Variants in CENPP observed in about 807,000 individuals in gnomAD.
CENPP encodes centromere protein P.
A neutral mutation model predicts 35.6 loss-of-function variants in CENPP; 24 were observed. That is an observed-to-expected ratio of 0.67 (90% confidence interval 0.49 to 0.95). CENPP has a LOEUF of 0.95. CENPP is among the 40% of genes least tolerant of loss of function. The pLI, the probability that CENPP is intolerant of heterozygous loss-of-function variation, is 0.00. For missense variants in CENPP, 332 were observed against 345.3 expected (o/e 0.96, Z 0.31); for synonymous variants, 120 against 125.5 (o/e 0.96, Z 0.29).
intron 5 of CENPP, among the ~76,000 whole-genome samples, chr9:92,452,709 G>A (rs1844749270): frequency 6.6e-6 from 1 of 152,124 alleles, no homozygotes; most frequent in Admixed American, 6.5e-5. Context: ...GTAGAATTCG[G>A]CTGTGAATCC....
chr9:92,358,780 G>A lies in CENPP; in HGVS notation c.467+12993G>A, dbSNP rs535604585. On this transcript the variant is annotated intron_variant, in intron 4 of 7. Coordinates refer to ENST00000375587, the MANE Select transcript of CENPP (RefSeq NM_001012267.3). ...GTATTGATATTTCTATTGTGTTCCT[G>A]TATCATTTTCTTAACTTTCTCCAGA... Among the ~76,000 whole-genome samples the A allele has an allele frequency of 2.6e-5, 4 of 151,798 alleles. No individual in the cohort carries two copies. In the East Asian group the frequency reaches 7.8e-4, roughly 29 times the overall value.
At chr9:92,389,927 G>A (rs779711600) in intron 5 of CENPP, 2 of 1,613,130 alleles carry the variant, frequency 1.2e-6, no homozygotes, top group Non-Finnish European at 1.7e-6. Context: ...GAGCTTGGGA[G>A]GAAGAACTGG....
chr9:92,431,683 T>C (rs1844112932), intron 5 of CENPP, among the ~76,000 whole-genome samples: 1 of 152,080 alleles, frequency 6.6e-6, no homozygotes, highest in South Asian at 2.1e-4. Context: ...CAAGCAATTC[T>C]TCTGCCTCAG....
intron 5 of CENPP, among the ~76,000 whole-genome samples, chr9:92,580,736 A>G (rs2131366072): frequency 6.6e-6 from 1 of 152,082 alleles, no homozygotes; most frequent in Non-Finnish European, 1.5e-5. Context: ...AATTTTGTTG[A>G]TCTTTTCAAA....
At chr9:92,428,775 G>C (rs1480394637) in intron 5 of CENPP, among the ~76,000 whole-genome samples, 2 of 152,048 alleles carry the variant, frequency 1.3e-5, no homozygotes, top group East Asian at 1.9e-4. Context: ...TCCAAACATT[G>C]ATCTTCAAGA....
chr9:92,515,279 AG>A lies in CENPP; in HGVS notation c.565-96033del, dbSNP rs1437065250. 11 of 1,385,276 alleles carry A rather than the reference AG, an allele frequency of 7.9e-6. No individual in the cohort carries two copies. The African/African-American group carries it at 1.6e-4, about 20-fold the overall frequency. 85.8% of individuals were successfully genotyped at this position (1,385,276 alleles called of 1,614,324 possible). A position where few individuals can be genotyped will look rare whatever the true frequency, so the allele number is the denominator to read the frequency against. On this transcript the variant is annotated intron_variant, in intron 5 of 7. Transcript: ENST00000375587. ...AAAAGAAAAAACCATAATGAAAATG[AG>A]GTTAGTAAATATTATTCCCTCCAAG...
At chr9:92,349,206 G>A (rs1841380784) in intron 4 of CENPP, among the ~76,000 whole-genome samples, 1 of 152,118 alleles carries the variant, frequency 6.6e-6, no homozygotes, top group Non-Finnish European at 1.5e-5. Flanking sequence ...ACTTCGCAGA[G>A]TCTTTCCTCT....
chr9:92,496,197 T>G, intron 5 of CENPP: 1 of 1,417,484 alleles, frequency 7.1e-7, no homozygotes, highest in Non-Finnish European at 9.1e-7. Flanking sequence ...TGAATCAGGT[T>G]GACTAGCATA....
chr9:92,384,843 A>G (rs989756829), intron 5 of CENPP: 1 of 152,292 alleles, frequency 6.6e-6, no homozygotes, highest in Non-Finnish European at 1.5e-5. Flanking sequence ...GAACTTTATC[A>G]GAAATGGATG....
intron 5 of CENPP, among the ~76,000 whole-genome samples, chr9:92,413,393 C>A (rs934397363): frequency 3.9e-5 from 6 of 152,260 alleles, no homozygotes; most frequent in South Asian, 4.1e-4. Context: ...CCACATCTTG[C>A]CAACACTTGT....
In CENPP at chr9:92,611,311, CAGGAA is replaced by C; in HGVS notation, c.565-1_568del. On this transcript the variant is annotated splice_acceptor_variant and coding_sequence_variant, in exon 6 of 8. Transcript: ENST00000375587. LOFTEE classifies it high-confidence loss of function. Reference sequence around the variant, plus strand: ...TGTCTACCCGTTTCTTCTCCCCATGCAGGAAAAGTACCCAGATGCCGTGTACCTCT... The same window carrying C: ...TGTCTACCCGTTTCTTCTCCCCATGCAAGTACCCAGATGCCGTGTACCTCT... The C allele has an allele frequency of 6.2e-7, 1 of 1,613,022 alleles. No individual in the cohort carries two copies. The highest frequency in any genetic ancestry group is 8.5e-7 in the Non-Finnish European group (1 of 1,179,328).
chr9:92,385,685 C>T (rs758663034), intron 5 of CENPP: 14 of 1,613,950 alleles, frequency 8.7e-6, no homozygotes, highest in South Asian at 4.4e-5. Context: ...TTTCCCAGGA[C>T]GATTGGATTG....
chr9:92,453,042 A>C (rs970017000), intron 5 of CENPP, among the ~76,000 whole-genome samples: 1 of 152,140 alleles, frequency 6.6e-6, no homozygotes, highest in African/African-American at 2.4e-5. Context: ...GATCCTTTCA[A>C]AAAACCAGCT....
At chr9:92,520,191 G>A (rs1165450432) in intron 5 of CENPP, among the ~76,000 whole-genome samples, 1 of 151,498 alleles carries the variant, frequency 6.6e-6, no homozygotes, top group Non-Finnish European at 1.5e-5. Flanking sequence ...GGCTGAGGCA[G>A]AGGATCACTG....
At chr9:92,350,429 A>G (rs1841413643) in intron 4 of CENPP, among the ~76,000 whole-genome samples, 2 of 152,250 alleles carry the variant, frequency 1.3e-5, no homozygotes, top group African/African-American at 4.8e-5. Context: ...ATGAAGATGC[A>G]AATGGAAGAA....
In CENPP at chr9:92,618,055, C is replaced by A. The variant is rs547799911; in HGVS notation, c.*4906C>A. On this transcript the variant is annotated 3_prime_UTR_variant, in exon 8 of 8. Transcript: ENST00000375587. ...CAAGATGACTCATGATAAATCCCAG[C>A]CTTAGTTTGTCCCTAGGCCTCTAGA... 2 of 353,538 alleles carry A rather than the reference C, an allele frequency of 5.7e-6. No individual in the cohort carries two copies. Among genetic ancestry groups the A allele is most frequent in the South Asian group, 2.1e-5 (1 of 47,662 alleles). 21.9% of individuals were successfully genotyped at this position (353,538 alleles called of 1,614,324 possible).
chr9:92,360,153 G>A (rs955318967), intron 4 of CENPP, among the ~76,000 whole-genome samples: 5 of 152,022 alleles, frequency 3.3e-5, no homozygotes, highest in South Asian at 2.1e-4. Flanking sequence ...TTTCATTCAC[G>A]TTTTGGCTAT....
intron 5 of CENPP, among the ~76,000 whole-genome samples, chr9:92,546,196 C>G (rs542981634): frequency 1.3e-5 from 2 of 152,294 alleles, no homozygotes; most frequent in Admixed American, 6.5e-5. Flanking sequence ...AGTACCCTGT[C>G]AAAACGGACC....
At chr9:92,527,091 CTCCGCT>C (rs1848461630) in intron 5 of CENPP, among the ~76,000 whole-genome samples, 1 of 152,164 alleles carries the variant, frequency 6.6e-6, no homozygotes, top group African/African-American at 2.4e-5. Flanking sequence ...TCACTGCAAC[CTCCGCT>C]TCCTGGGCTC....
Sources: gnomAD v4.1 joint callset for allele counts (sites outside exome capture counted in the v4.1 genomes callset) on GRCh38, gnomAD v4.1.1 for gene constraint, MANE v1.5 for transcripts, NCBI Gene and HGNC (gene_info 2026-07-23, HGNC 2026-07-21) for gene names.